The following SHQ1 variants were observed in gnomAD, a reference collection of about 807,000 sequenced individuals.
SHQ1 encodes the protein SHQ1, H/ACA ribonucleoprotein assembly factor.
In SHQ1, 49 loss-of-function variants were observed where a neutral mutation model predicts 53.8. The ratio of observed to expected loss-of-function variants is 0.91; its 90% CI spans 0.72 to 1.16. The LOEUF (loss-of-function observed/expected upper bound fraction) is 1.16. Among genes scored for constraint, SHQ1 ranks in the 50% most tolerant of loss-of-function variants. The probability of loss-of-function intolerance (pLI) is 0.00; values close to 1 mark genes in which losing one functional copy is unlikely to be tolerated. For missense variants in SHQ1, 738 were observed against 683.1 expected (o/e 1.08, Z -0.90); for synonymous variants, 243 against 251.0 (o/e 0.97, Z 0.30).
chr3:72,812,487 C>T (rs1427958347), intron 9 of SHQ1, among the ~76,000 whole-genome samples, 184 bp downstream of exon 9: 2 of 152,154 alleles, frequency 1.3e-5, no homozygotes, highest in Non-Finnish European at 2.9e-5. Flanking sequence ...TTTATTATGC[C>T]TCTATGCAAT....
the SHQ1 span, among the ~76,000 whole-genome samples, chr3:72,727,584 T>G: frequency 6.6e-6 from 1 of 152,250 alleles, no homozygotes; most frequent in Admixed American, 6.5e-5. Flanking sequence ...GGATGGTGTT[T>G]GAGCAGAATG....
rs552181699 is a variant in SHQ1, at chr3:72,828,395, T to C, written c.600-3844A>G. On this transcript the variant is annotated intron_variant, in intron 5 of 10. Coordinates refer to ENST00000325599, the MANE Select transcript of SHQ1 (RefSeq NM_018130.3). ...AAAGGGATACCATGATAAAAGGAAA[T>C]ATATGAGAAGCAGTGTGGGTTGGGC... Among the ~76,000 whole-genome samples, 52 of 152,012 alleles carry C rather than the reference T, an allele frequency of 3.4e-4. 1 individual carries two copies. In the South Asian group the frequency reaches 0.01, roughly 30 times the overall value.
chr3:72,775,005 C>T (rs1705925574), intron 10 of SHQ1, among the ~76,000 whole-genome samples: 1 of 152,070 alleles, frequency 6.6e-6, no homozygotes, highest in African/African-American at 2.4e-5. Flanking sequence ...ATCCCAGCTA[C>T]TCGGGAAGCT....
At chr3:72,823,658 A>C (rs1029076224) in intron 6 of SHQ1, among the ~76,000 whole-genome samples, 1 of 152,236 alleles carries the variant, frequency 6.6e-6, no homozygotes, top group African/African-American at 2.4e-5. Context: ...AACAAGGTAC[A>C]AACCGGGTAT....
chr3:72,841,338 G>A (rs1482679656), intron 3 of SHQ1, 139 bp from the exon 4 acceptor site: 52 of 581,548 alleles, frequency 8.9e-5, no homozygotes, highest in Admixed American at 4.2e-4. Context: ...TCATAGCTCC[G>A]CTATTCGTGA....
intron 8 of SHQ1, 41 bp from the exon 9 acceptor site, chr3:72,812,835 T>C (rs753985784): frequency 3.1e-6 from 5 of 1,611,510 alleles, no homozygotes; most frequent in Non-Finnish European, 4.2e-6. Context: ...TTCCACAAAA[T>C]GTTACACAAA....
At chr3:72,816,728 C>A (rs1707331707) in intron 7 of SHQ1, among the ~76,000 whole-genome samples, 1 of 152,126 alleles carries the variant, frequency 6.6e-6, no homozygotes, top group African/African-American at 2.4e-5. Context: ...TTTAAAAAAT[C>A]TGATTTACAT....
At chr3:72,825,445 T>C (rs1707622622) in intron 5 of SHQ1, among the ~76,000 whole-genome samples, 1 of 151,970 alleles carries the variant, frequency 6.6e-6, no homozygotes, top group South Asian at 2.1e-4. Context: ...ATAAAATCTA[T>C]TTTATTAAGA....
intron 10 of SHQ1, among the ~76,000 whole-genome samples, chr3:72,760,097 T>G (rs979328397): frequency 1.2e-4 from 18 of 152,244 alleles, no homozygotes; most frequent in African/African-American, 3.9e-4. Flanking sequence ...CTTCTTCAAT[T>G]GTTTACTATG....
At chr3:72,777,270 A>G (rs1488615084) in intron 10 of SHQ1, among the ~76,000 whole-genome samples, 1 of 152,232 alleles carries the variant, frequency 6.6e-6, no homozygotes, top group African/African-American at 2.4e-5. Context: ...CATAAACTAT[A>G]AACTGGAAGA....
At chr3:72,845,734 C>A (rs936285745) in intron 1 of SHQ1, among the ~76,000 whole-genome samples, 3 of 152,080 alleles carry the variant, frequency 2.0e-5, no homozygotes, top group Non-Finnish European at 2.9e-5. Flanking sequence ...CTTCCCATGG[C>A]CCTCCCCCTT....
chr3:72,826,101 A>C (rs1307404586), intron 5 of SHQ1, among the ~76,000 whole-genome samples: 1 of 152,210 alleles, frequency 6.6e-6, no homozygotes, highest in African/African-American at 2.4e-5. Flanking sequence ...CTGAACTCTT[A>C]CTTCAGACTC....
At chr3:72,772,534 C>G in intron 10 of SHQ1, 1 of 655,020 alleles carries the variant, frequency 1.5e-6, no homozygotes, top group Admixed American at 1.9e-5. Context: ...CGTACACAAC[C>G]TAAGCTTTAG....
rs530389161 is a variant in SHQ1, at chr3:72,841,712, T to C, written c.332-513A>G. Among the ~76,000 whole-genome samples the C allele has an allele frequency of 2.6e-5, 4 of 152,288 alleles. No individual in the cohort carries two copies. In the South Asian group the frequency reaches 8.3e-4, roughly 32 times the overall value. Reference sequence around the variant, plus strand: ...TTGTGGAAGACAACTTTTCCACAGATCAAAGAGGTAAAGAGATAGTTTTGG... The same window carrying C: ...TTGTGGAAGACAACTTTTCCACAGACCAAAGAGGTAAAGAGATAGTTTTGG... On this transcript the variant is annotated intron_variant, in intron 3 of 10. Transcript: ENST00000325599.
At chr3:72,801,625 C>A (rs1489449294) in intron 9 of SHQ1, among the ~76,000 whole-genome samples, 2 of 152,062 alleles carry the variant, frequency 1.3e-5, no homozygotes, top group African/African-American at 4.8e-5. Flanking sequence ...AGGAGAAAAA[C>A]CAAACCATTT....
downstream of SHQ1, among the ~76,000 whole-genome samples, chr3:72,745,702 T>G (rs1342216247): frequency 1.3e-5 from 2 of 152,130 alleles, no homozygotes; most frequent in Non-Finnish European, 2.9e-5. Flanking sequence ...AACCCTTACG[T>G]TGGTTTAACA....
At chr3:72,805,135 C>G (rs974230355) in intron 9 of SHQ1, among the ~76,000 whole-genome samples, 2 of 152,070 alleles carry the variant, frequency 1.3e-5, no homozygotes, top group Non-Finnish European at 1.5e-5. Flanking sequence ...ATACAGTATA[C>G]TTCAGCTCTT....
At chr3:72,753,360 C>A in intron 10 of SHQ1, 1 of 985,394 alleles carries the variant, frequency 1.0e-6, no homozygotes, top group African/African-American at 1.7e-5. Flanking sequence ...GCTGATGGTA[C>A]AATGGGAAAT....
chr3:72,788,497 G>A (rs927379851), intron 10 of SHQ1, among the ~76,000 whole-genome samples: 93 of 150,790 alleles, frequency 6.2e-4, no homozygotes, highest in African/African-American at 2.2e-3. Flanking sequence ...CGTCCGGGAG[G>A]TAGGGGGGGC....
Sources: gnomAD v4.1 joint callset for allele counts (sites outside exome capture counted in the v4.1 genomes callset) on GRCh38, gnomAD v4.1.1 for gene constraint, MANE v1.5 for transcripts, NCBI Gene and HGNC (gene_info 2026-07-23, HGNC 2026-07-21) for gene names.